Variants in MAPRE1 observed in about 807,000 individuals in gnomAD.
MAPRE1 encodes microtubule-associated protein RP/EB family member 1.
In MAPRE1, 5 loss-of-function variants were observed where a neutral mutation model predicts 32.1. The observed-to-expected ratio is 0.16, with a 90% CI of 0.08 to 0.33. MAPRE1 has a LOEUF of 0.33. MAPRE1 is among the 10% of genes least tolerant of loss of function. The pLI is 1.00. For synonymous variants in MAPRE1, 122 were observed against 118.9 expected, an observed-to-expected ratio of 1.03 and a Z score of -0.17; for missense variants, 209 against 327.2, an observed-to-expected ratio of 0.64 and a Z score of 2.79.
intron 4 of MAPRE1, among the ~76,000 whole-genome samples, chr20:32,839,096 C>T (rs987346946): frequency 5.3e-5 from 8 of 152,118 alleles, no homozygotes; most frequent in Admixed American, 2.0e-4. Context: ...CTTCTAAACT[C>T]CTTCTAAAAG....
intron 1 of MAPRE1, among the ~76,000 whole-genome samples, chr20:32,825,408 A>G (rs530234162): frequency 6.6e-6 from 1 of 152,176 alleles, no homozygotes; most frequent in South Asian, 2.1e-4. Context: ...AGTTCATTTC[A>G]GGTCATGTTT....
chr20:32,820,771 C>T (rs1982675298), intron 1 of MAPRE1, among the ~76,000 whole-genome samples: 1 of 151,978 alleles, frequency 6.6e-6, no homozygotes, highest in African/African-American at 2.4e-5. Context: ...CCCTACTTCA[C>T]AGTTGCCCTC....
intron 4 of MAPRE1, 37 bp downstream of exon 4, chr20:32,836,878 C>T (rs1601167305): frequency 5.8e-6 from 9 of 1,544,766 alleles, no homozygotes; most frequent in Admixed American, 2.1e-5. Context: ...CAAAAAATAG[C>T]GTTCCAGATA....
chr20:32,835,382 A>G (rs1395740595), intron 3 of MAPRE1, among the ~76,000 whole-genome samples: 2 of 21,006 alleles, frequency 9.5e-5, no homozygotes, highest in African/African-American at 1.0e-3. Context: ...TTTTTTTTTG[A>G]GATGAGGTCT....
chr20:32,829,298 C>G (rs959753214), intron 2 of MAPRE1, among the ~76,000 whole-genome samples: 1 of 152,188 alleles, frequency 6.6e-6, no homozygotes, highest in African/African-American at 2.4e-5. Flanking sequence ...GGACACTTAA[C>G]TGTGATTTGT....
chr20:32,826,863 A>G (rs1207917976), intron 2 of MAPRE1, among the ~76,000 whole-genome samples: 1 of 151,866 alleles, frequency 6.6e-6, no homozygotes, highest in African/African-American at 2.4e-5. Flanking sequence ...CAGGTCCACC[A>G]TCTTCTGCTC....
chr20:32,846,959 G>T (rs940557815), intron 6 of MAPRE1, among the ~76,000 whole-genome samples, 189 bp downstream of exon 6: 1 of 152,236 alleles, frequency 6.6e-6, no homozygotes, highest in Non-Finnish European at 1.5e-5. Flanking sequence ...TTTTGAAGAA[G>T]GAATAGGACA....
Position 32,846,785 on chromosome 20 carries a change from TGAG to T in MAPRE1, c.750+18_750+20del, listed in dbSNP as rs750428174. On this transcript the variant is annotated intron_variant, in intron 6 of 6. Transcript: ENST00000375571. ...ATGCCACAGATGTATGTGTTTGACATGAGGATATTTTCTTTCCATTTTACATAG... is the reference window on the plus strand; with the variant it reads ...ATGCCACAGATGTATGTGTTTGACATGATATTTTCTTTCCATTTTACATAG... 1.2e-5 allele frequency: 20 copies of T among 1,613,450 alleles called. No homozygotes were observed. In the African/African-American group the frequency reaches 2.5e-4, roughly 20 times the overall value.
intron 1 of MAPRE1, among the ~76,000 whole-genome samples, chr20:32,825,420 T>C (rs572402434): frequency 2.2e-4 from 34 of 152,308 alleles, no homozygotes; most frequent in Non-Finnish European, 2.9e-4. Flanking sequence ...GTCATGTTTG[T>C]ATGTGGAAAT....
chr20:32,845,483 T>C (rs902634164), intron 5 of MAPRE1, among the ~76,000 whole-genome samples: 7 of 152,180 alleles, frequency 4.6e-5, no homozygotes, highest in African/African-American at 1.7e-4. Context: ...TTGATAAAAT[T>C]GTCCTGGTGG....
chr20:32,831,817 G>C (rs1181070202), intron 2 of MAPRE1, among the ~76,000 whole-genome samples: 1 of 151,838 alleles, frequency 6.6e-6, no homozygotes, highest in African/African-American at 2.4e-5. Flanking sequence ...TTACAGGTGT[G>C]AGCCACCGCG....
At chr20:32,832,008 A>G (rs1471127184) in intron 2 of MAPRE1, among the ~76,000 whole-genome samples, 1 of 151,766 alleles carries the variant, frequency 6.6e-6, no homozygotes, top group Non-Finnish European at 1.5e-5. Context: ...GAGTAAATAA[A>G]TCAGTCACCT....
intron 1 of MAPRE1, among the ~76,000 whole-genome samples, chr20:32,825,464 G>A (rs567063926): frequency 1.8e-3 from 272 of 152,228 alleles, no homozygotes; most frequent in Non-Finnish European, 2.9e-3. Context: ...AGTGTCTCTC[G>A]TTTGGCCTCA....
chr20:32,834,284 C>T (rs1388028885), intron 3 of MAPRE1, among the ~76,000 whole-genome samples: 4 of 152,120 alleles, frequency 2.6e-5, no homozygotes, highest in African/African-American at 9.7e-5. Context: ...ACTTTGGAGG[C>T]TGAGGTGGAG....
intron 1 of MAPRE1, among the ~76,000 whole-genome samples, chr20:32,824,852 A>G (rs896547992): frequency 1.3e-5 from 2 of 151,910 alleles, no homozygotes; most frequent in African/African-American, 2.4e-5. Flanking sequence ...ATAAATAGGA[A>G]TTAATAAAAA....
Position 32,833,633 on chromosome 20 carries a change from A to G in MAPRE1, c.122-84A>G, listed in dbSNP as rs994559751. The G allele has an allele frequency of 2.3e-6, 3 of 1,306,604 alleles. No homozygotes were observed. In the African/African-American group the frequency reaches 4.4e-5, roughly 19 times the overall value. The allele number at this position is 1,306,604 out of a possible 1,614,324, so 80.9% of individuals were successfully genotyped here. On this transcript the variant is annotated intron_variant, in intron 2 of 6. Transcript: ENST00000375571. ...TTGTAGGTCTACTTCACAATTTTAA[A>G]AATTGTATTTGGTTTAAGTGGGTCT...
chr20:32,842,484 G>A (rs934359367), intron 5 of MAPRE1, among the ~76,000 whole-genome samples: 1 of 152,206 alleles, frequency 6.6e-6, no homozygotes, highest in Non-Finnish European at 1.5e-5. Context: ...GGATAATAAG[G>A]CTTGGAGAGG....
intron 2 of MAPRE1, among the ~76,000 whole-genome samples, chr20:32,828,486 G>A (rs1352057611): frequency 2.0e-5 from 3 of 152,246 alleles, no homozygotes; most frequent in South Asian, 2.1e-4. Flanking sequence ...GCAGAGAGCT[G>A]TTGTAGACAG....
chr20:32,829,524 C>A (rs1982960554), intron 2 of MAPRE1, among the ~76,000 whole-genome samples: 1 of 152,214 alleles, frequency 6.6e-6, no homozygotes, highest in Non-Finnish European at 1.5e-5. Context: ...TCCTCAACTC[C>A]TTGTGCTTAC....
Sources: allele counts gnomAD v4.1 joint callset (sites outside exome capture counted in the v4.1 genomes callset), GRCh38; gene constraint gnomAD v4.1.1; transcripts MANE v1.5; gene names NCBI Gene and HGNC (gene_info 2026-07-23, HGNC 2026-07-21).